Variants in PIBF1 observed in about 807,000 individuals in gnomAD.
PIBF1 encodes progesterone immunomodulatory binding factor 1.
PIBF1 carries 90 observed loss-of-function variants against 112.5 expected under a neutral mutation model. That is an observed-to-expected ratio of 0.80 (90% confidence interval 0.67 to 0.95). The LOEUF (loss-of-function observed/expected upper bound fraction) is 0.95, where lower values mean the gene tolerates loss of function less well. PIBF1 is among the 40% of genes least tolerant of loss of function. The pLI is 0.00. For synonymous variants in PIBF1, 301 were observed against 288.6 expected, an observed-to-expected ratio of 1.04 and a Z score of -0.44; for missense variants, 915 against 852.3, an observed-to-expected ratio of 1.07 and a Z score of -0.92.
At chr13:72,843,223 CG>C (rs750012622) in intron 9 of PIBF1, among the ~76,000 whole-genome samples, 13 of 152,096 alleles carry the variant, frequency 8.5e-5, no homozygotes, top group Non-Finnish European at 1.5e-4. Flanking sequence ...AGGGAGATCA[CG>C]TAGGAGGCTG....
chr13:72,861,142 T>A (rs2038679309), intron 10 of PIBF1, among the ~76,000 whole-genome samples: 2 of 152,198 alleles, frequency 1.3e-5, no homozygotes. Flanking sequence ...TTTAAAAAAA[T>A]ATATTCTATG....
At chr13:72,922,992 A>G (rs549747769) in intron 13 of PIBF1, among the ~76,000 whole-genome samples, 2 of 152,242 alleles carry the variant, frequency 1.3e-5, no homozygotes, top group East Asian at 3.9e-4. Flanking sequence ...TGAAAGTGGG[A>G]TCCTTCTGGC....
chr13:72,810,299 G>T (rs561067220), intron 5 of PIBF1, among the ~76,000 whole-genome samples: 1 of 152,246 alleles, frequency 6.6e-6, no homozygotes, highest in Non-Finnish European at 1.5e-5. Flanking sequence ...ATATCAAAAG[G>T]ATGTGATGTT....
intron 14 of PIBF1, among the ~76,000 whole-genome samples, chr13:72,960,370 A>G (rs897973950): frequency 3.3e-5 from 5 of 152,158 alleles, no homozygotes; most frequent in Non-Finnish European, 1.5e-5. Context: ...GTGGCTCTGC[A>G]CTCTAGCCTA....
intron 6 of PIBF1, among the ~76,000 whole-genome samples, chr13:72,822,314 T>C (rs1486210521): frequency 5.3e-5 from 8 of 152,104 alleles, no homozygotes; most frequent in Non-Finnish European, 1.0e-4. Flanking sequence ...CTGAAGTTTT[T>C]TTCAGCTGTT....
chr13:72,894,148 A>G (rs1200745373), intron 11 of PIBF1, among the ~76,000 whole-genome samples, 199 bp downstream of exon 11: 1 of 151,926 alleles, frequency 6.6e-6, no homozygotes, highest in African/African-American at 2.4e-5. Context: ...CAAAAAAAGC[A>G]AGAAAAGATG....
intron 7 of PIBF1, 116 bp downstream of exon 7, chr13:72,827,234 A>T: frequency 2.5e-6 from 1 of 393,594 alleles, no homozygotes; most frequent in Non-Finnish European, 4.5e-6. Context: ...TCCCAAAAAG[A>T]TAAATTTTTT....
At chr13:72,814,859 A>G (rs1203752096) in intron 5 of PIBF1, among the ~76,000 whole-genome samples, 1 of 152,238 alleles carries the variant, frequency 6.6e-6, no homozygotes, top group Non-Finnish European at 1.5e-5. Context: ...ATACAGTTCT[A>G]TGGCAGTAAG....
intron 15 of PIBF1, among the ~76,000 whole-genome samples, chr13:72,970,164 A>G (rs891564196): frequency 6.6e-6 from 1 of 151,884 alleles, no homozygotes. Context: ...AATATATTCA[A>G]TTTCTAGAAA....
intron 16 of PIBF1, among the ~76,000 whole-genome samples, chr13:72,984,924 T>A (rs1566518273): frequency 6.6e-6 from 1 of 152,304 alleles, no homozygotes; most frequent in Non-Finnish European, 1.5e-5. Context: ...ACATCTATTA[T>A]GTAACATATA....
chr13:72,910,962 C>CT (rs1031100355), intron 12 of PIBF1, among the ~76,000 whole-genome samples: 28 of 152,020 alleles, frequency 1.8e-4, no homozygotes, highest in African/African-American at 6.8e-4. Flanking sequence ...TGGCAGGAGG[C>CT]TTTTTTGTAT....
chr13:72,940,371 T>G (rs2041979573), intron 14 of PIBF1, among the ~76,000 whole-genome samples: 1 of 152,176 alleles, frequency 6.6e-6, no homozygotes, highest in South Asian at 2.1e-4. Flanking sequence ...CTTCTTTGTG[T>G]CTTTTAGGTC....
intron 12 of PIBF1, among the ~76,000 whole-genome samples, chr13:72,914,326 A>G (rs1020914231): frequency 5.9e-5 from 9 of 152,190 alleles, no homozygotes; most frequent in African/African-American, 1.4e-4. Context: ...GATTTCATCA[A>G]GTTGTTAAAA....
chr13:72,918,181 C>T (rs1234997729), intron 13 of PIBF1, among the ~76,000 whole-genome samples: 4 of 152,246 alleles, frequency 2.6e-5, no homozygotes, highest in Admixed American at 6.5e-5. Flanking sequence ...CAGACTTCCA[C>T]GCGCCTCTAT....
rs199831981 is a variant in PIBF1 at position 72,811,608 on chromosome 13, A to AAAAGAG, written c.673-10240_673-10239insAAGAGA. Among the ~76,000 whole-genome samples, 6 of 139,718 alleles carry AAAAGAG rather than the reference A, an allele frequency of 4.3e-5. 1 individual carries two copies. Among genetic ancestry groups the AAAAGAG allele is most frequent in the Non-Finnish European group, 6.1e-5 (4 of 65,766 alleles). 91.7% of individuals were successfully genotyped at this position (139,718 alleles called of 152,430 possible). A position where few individuals can be genotyped will look rare whatever the true frequency, so the allele number is the denominator to read the frequency against. On this transcript the variant is annotated intron_variant, in intron 5 of 17. Transcript: ENST00000326291. ...AAAACTCCGTCTCAAAAAAAAAAAA[A>AAAAGAG]AGAGAGAGAAATGTATATATTAATG...
chr13:72,985,211 G>A (rs1156609257), intron 16 of PIBF1, among the ~76,000 whole-genome samples: 1 of 152,028 alleles, frequency 6.6e-6, no homozygotes, highest in African/African-American at 2.4e-5. Context: ...TAAAATCTCT[G>A]AAACTGTATA....
At chr13:72,833,700 T>G (rs1170923540) in intron 8 of PIBF1, among the ~76,000 whole-genome samples, 1 of 152,116 alleles carries the variant, frequency 6.6e-6, no homozygotes, top group Non-Finnish European at 1.5e-5. Context: ...TACTGGGAGG[T>G]GTCTCCCAGT....
At chr13:72,813,387 G>A (rs1200989283) in intron 5 of PIBF1, among the ~76,000 whole-genome samples, 1 of 152,172 alleles carries the variant, frequency 6.6e-6, no homozygotes, top group Non-Finnish European at 1.5e-5. Flanking sequence ...GGGAAAGCTA[G>A]TGTTCCAGTT....
At position 72,886,931 on chromosome 13, in the gene PIBF1, A is replaced by C. The variant is rs183566095; in HGVS notation, c.1323-6853A>C. 2.2e-3 allele frequency among the ~76,000 whole-genome samples: 338 copies of C among 152,110 alleles called. 1 individual carries two copies. The highest frequency in any genetic ancestry group is 4.1e-3 in the Non-Finnish European group (281 of 67,916). The stretch of plus-strand genomic sequence containing the variant: ...ACGTTCTTTAGTCATCATTGTTGCG[A>C]CATTAATGTTGGCTTTAAAAGTTTT... On this transcript the variant is annotated intron_variant, in intron 10 of 17. Transcript: ENST00000326291.
Sources: gnomAD v4.1 joint callset for allele counts (sites outside exome capture counted in the v4.1 genomes callset) on GRCh38, gnomAD v4.1.1 for gene constraint, MANE v1.5 for transcripts, NCBI Gene and HGNC (gene_info 2026-07-23, HGNC 2026-07-21) for gene names.